The following STAB2 variants were observed in gnomAD, a reference collection of about 807,000 sequenced individuals.
STAB2 encodes stabilin-2.
Under a neutral mutation model 338.1 loss-of-function variants are expected in STAB2, and 288 were observed. That is an observed-to-expected ratio of 0.85 (90% confidence interval 0.77 to 0.94). The LOEUF is 0.94. Among genes scored for constraint, STAB2 ranks in the 40% least tolerant of loss-of-function variants. The pLI, the probability that STAB2 is intolerant of heterozygous loss-of-function variation, is 0.00. For synonymous variants in STAB2, 1,202 were observed against 1,193.3 expected, an observed-to-expected ratio of 1.01 and a Z score of -0.15; for missense variants, 3,141 against 3,210.1, an observed-to-expected ratio of 0.98 and a Z score of 0.52.
At position 103,652,597 on chromosome 12, in the gene STAB2, T is replaced by G. The variant is rs1345349792; in HGVS notation, c.1299T>G (p.Phe433Leu). 2 of 1,608,432 alleles carry G rather than the reference T, an allele frequency of 1.2e-6. No homozygotes were observed. The highest frequency in any genetic ancestry group is 2.7e-5 in the African/African-American group (2 of 74,860). ...TGGATAATAAAGCTGCTCAATACTT[T>G]GTGAAACTCCACATAATTGCTGGTC... The part of the protein sequence containing the change: ...LLVDNKAAQY[F>L]VKLHIIAGQM... The change falls in exon 12 of 69, where the codon TTT (phenylalanine) becomes TTG (leucine). Residue 433 changes from phenylalanine (F) to leucine (L), a missense_variant. Physicochemically the swap from Phe to Leu is conservative, Grantham distance 22 (BLOSUM62 0). Coordinates refer to ENST00000388887, the MANE Select transcript of STAB2 (RefSeq NM_017564.10).
intron 5 of STAB2, among the ~76,000 whole-genome samples, chr12:103,629,082 C>G (rs934301574): frequency 2.6e-5 from 4 of 152,122 alleles, no homozygotes; most frequent in Non-Finnish European, 5.9e-5. Flanking sequence ...TCATTCCAAG[C>G]AGTTCCAATC....
chr12:103,749,841 C>CAAAAAAAAA lies in STAB2; in HGVS notation c.6438+708_6439-707dup, dbSNP rs369556936. ...GGTGACAGAGCAAGACTCTGTCTCA[C>CAAAAAAAAA]AAAAAAAAAAAAAAAAAAAAAAAAA... is the stretch of plus-strand genomic sequence containing the variant. On this transcript the variant is annotated intron_variant, in intron 59 of 68. Transcript: ENST00000388887. Among the ~76,000 whole-genome samples the CAAAAAAAAA allele has an allele frequency of 9.3e-3, 476 of 51,178 alleles. 69 individuals carry two copies. Among genetic ancestry groups the CAAAAAAAAA allele is most frequent in the Non-Finnish European group, 0.012 (341 of 28,390 alleles). The allele number at this position is 51,178 out of a possible 152,430, so 33.6% of individuals were successfully genotyped here. A position where few individuals can be genotyped will look rare whatever the true frequency, so the allele number is the denominator to read the frequency against.
rs753763393 is a variant in STAB2 at position 103,749,151 on chromosome 12, G to C, written c.6433G>C (p.Gly2145Arg). The C allele has an allele frequency of 4.4e-6, 7 of 1,595,800 alleles. No individual in the cohort carries two copies. Among genetic ancestry groups the C allele is most frequent in the Non-Finnish European group, 6.0e-6 (7 of 1,166,642 alleles). The change falls in exon 59 of 69, where the codon GGC (glycine) becomes CGC (arginine). Residue 2145 changes from glycine to arginine, a missense_variant. Coordinates refer to ENST00000388887, the MANE Select transcript of STAB2 (RefSeq NM_017564.10). ...CHEHATCKMT[G>R]PGKHKCECKS... ...CGAGCACGCCACCTGTAAGATGACA[G>C]GCCCGGTGAGTCGCTCTTTCCCAGG...
intron 3 of STAB2, among the ~76,000 whole-genome samples, chr12:103,604,991 T>C (rs1224088611): frequency 6.6e-6 from 1 of 151,888 alleles, no homozygotes; most frequent in Non-Finnish European, 1.5e-5. Flanking sequence ...GCAATAAATT[T>C]CCTTGTAAGC....
At chr12:103,591,226 T>C (rs1290086387) in intron 2 of STAB2, among the ~76,000 whole-genome samples, 196 bp downstream of exon 2, 1 of 152,184 alleles carries the variant, frequency 6.6e-6, no homozygotes, top group Non-Finnish European at 1.5e-5. Context: ...GGTTCATGCC[T>C]GTAATCCCAG....
chr12:103,679,772 T>A (rs1876729523), intron 25 of STAB2, among the ~76,000 whole-genome samples: 1 of 152,220 alleles, frequency 6.6e-6, no homozygotes. Flanking sequence ...CAGTTCCACT[T>A]CTGGGTATAC....
intron 1 of STAB2, among the ~76,000 whole-genome samples, chr12:103,588,239 C>T (rs767179226): frequency 2.0e-5 from 3 of 152,220 alleles, no homozygotes; most frequent in Non-Finnish European, 2.9e-5. Context: ...AATTTTATTA[C>T]AGTTGGCTGC....
At chr12:103,702,265 A>G (rs1232146289) in intron 34 of STAB2, among the ~76,000 whole-genome samples, 1 of 151,638 alleles carries the variant, frequency 6.6e-6, no homozygotes, top group Non-Finnish European at 1.5e-5. Context: ...ACAGATATAA[A>G]TATACCATTT....
rs1198923363 is a variant in STAB2 at position 103,706,821 on chromosome 12, C to G, written c.4026C>G (p.Gly1342=). The change falls in exon 38 of 69, where the codon GGC becomes GGG. Residue 1342 remains glycine, a synonymous_variant. Transcript: ENST00000388887. ...GAGAATGCTGTGCCGGCTTCTTTGG[C>G]CCCCAATGCCAGCCCTGCCCAGGGA... The part of the protein sequence containing the change: ...ITRECCAGFF[G]PQCQPCPGNA... 3.7e-6 allele frequency: 6 copies of G among 1,614,106 alleles called. No homozygotes were observed. The highest frequency in any genetic ancestry group is 5.1e-6 in the Non-Finnish European group (6 of 1,180,052).
At chr12:103,748,794 G>A (rs1429372033) in intron 58 of STAB2, among the ~76,000 whole-genome samples, 169 bp from the exon 59 acceptor site, 2 of 152,126 alleles carry the variant, frequency 1.3e-5, no homozygotes, top group South Asian at 2.1e-4. Context: ...AAATATTCAT[G>A]TTGCAAAGGC....
rs150682523 is a variant in STAB2 at position 103,587,510 on chromosome 12, G to T, written c.34G>T (p.Gly12Ter). The change falls in exon 1 of 69, where the codon GGA becomes TGA. Residue 12 changes from glycine (G) to a stop codon, truncating the protein, a stop_gained. Transcript: ENST00000388887. LOFTEE classifies it high-confidence loss of function. The stretch of plus-strand genomic sequence containing the variant: ...ACAACATTTAGTAATTTTTTGTCTT[G>T]GATTGGTTGTACAAAATTTCTGCTC... ...MLQHLVIFCL[G>*]LVVQNFCSPA... 3 of 1,614,010 alleles carry T rather than the reference G, an allele frequency of 1.9e-6. No individual in the cohort carries two copies. The highest frequency in any genetic ancestry group is 2.5e-6 in the Non-Finnish European group (3 of 1,179,928).
At chr12:103,688,901 A>C (rs933426707) in intron 28 of STAB2, among the ~76,000 whole-genome samples, 1 of 152,058 alleles carries the variant, frequency 6.6e-6, no homozygotes, top group Non-Finnish European at 1.5e-5. Context: ...GATTGTGCAC[A>C]TTTTTCCTAA....
At chr12:103,749,187 A>G (rs1444511778) in intron 59 of STAB2, 31 bp downstream of exon 59, 3 of 1,572,728 alleles carry the variant, frequency 1.9e-6, no homozygotes, top group Non-Finnish European at 2.6e-6. Flanking sequence ...GAAATTTGGG[A>G]GCAGCGCCGT....
intron 8 of STAB2, 122 bp downstream of exon 8, chr12:103,638,334 C>T: frequency 9.0e-7 from 1 of 1,115,708 alleles, no homozygotes; most frequent in South Asian, 1.6e-5. Context: ...TTGGTCTTCC[C>T]CTCCAGACAG....
At chr12:103,603,057 T>G (rs1956976196) in intron 3 of STAB2, among the ~76,000 whole-genome samples, 1 of 152,078 alleles carries the variant, frequency 6.6e-6, no homozygotes. Flanking sequence ...AGTTAATTCT[T>G]TTTTTTGTTT....
At chr12:103,691,714 A>G (rs1877952551) in intron 30 of STAB2, among the ~76,000 whole-genome samples, 3 of 152,192 alleles carry the variant, frequency 2.0e-5, no homozygotes, top group Non-Finnish European at 4.4e-5. Context: ...TTAAAGACAC[A>G]TTTGTAATGA....
At position 103,761,421 on chromosome 12, in the gene STAB2, A is replaced by G; in HGVS notation, c.7359+11A>G. ...CCCCCTGCCCCCGTGGTGAGTATCT[A>G]GGGTCCCTGATAACGGGCCAGGAGG... On this transcript the variant is annotated intron_variant, in intron 66 of 68. Coordinates refer to ENST00000388887, the MANE Select transcript of STAB2 (RefSeq NM_017564.10). 6.2e-7 allele frequency: 1 copy of G among 1,611,818 alleles called. No homozygotes were observed. The highest frequency in any genetic ancestry group is 8.5e-7 in the Non-Finnish European group (1 of 1,179,026).
chr12:103,759,137 T>C lies in STAB2; in HGVS notation c.7112T>C (p.Leu2371Ser), dbSNP rs1215340191. ...GTGTTTCTCCTTTTTTCTCAGACCT[T>C]GTCTGGGCGGGACATCGAGCACCAC... ...QNSGLGENETLSGRDIEHHLA... is the reference protein window; with the variant it reads ...QNSGLGENETSSGRDIEHHLA... The change falls in exon 65 of 69, where the codon TTG becomes TCG. Residue 2371 changes from leucine to serine, a missense_variant. Leu to Ser is a moderately radical substitution (Grantham distance 145, BLOSUM62 -2). Coordinates refer to ENST00000388887, the MANE Select transcript of STAB2 (RefSeq NM_017564.10). 3 of 1,614,088 alleles carry C rather than the reference T, an allele frequency of 1.9e-6. No homozygotes were observed. Among genetic ancestry groups the C allele is most frequent in the African/African-American group, 2.7e-5 (2 of 74,934 alleles).
chr12:103,592,027 C>G (rs1229578721), intron 2 of STAB2: 2 of 151,974 alleles, frequency 1.3e-5, no homozygotes, highest in African/African-American at 4.8e-5. Context: ...CTTAATGTGA[C>G]CACACTATAT....
Sources: gnomAD v4.1 joint callset for allele counts (sites outside exome capture counted in the v4.1 genomes callset) on GRCh38, gnomAD v4.1.1 for gene constraint, MANE v1.5 for transcripts, NCBI Gene and HGNC (gene_info 2026-07-23, HGNC 2026-07-21) for gene names.